The following STXBP5L variants were observed in gnomAD, a reference collection of about 807,000 sequenced individuals.
STXBP5L encodes syntaxin-binding protein 5-like.
A neutral mutation model predicts 144.5 loss-of-function variants in STXBP5L; 65 were observed. The observed-to-expected ratio is 0.45, with a 90% CI of 0.37 to 0.55. The LOEUF (loss-of-function observed/expected upper bound fraction) is 0.55, where lower values mean the gene tolerates loss of function less well. Among genes scored for constraint, STXBP5L ranks in the 20% least tolerant of loss-of-function variants. STXBP5L has a pLI of 0.00. For missense variants in STXBP5L, 1,298 were observed against 1,405.5 expected (o/e 0.92, Z 1.22); for synonymous variants, 505 against 469.6 (o/e 1.08, Z -0.97).
At chr3:120,966,153 A>G (rs1939546022) in intron 3 of STXBP5L, among the ~76,000 whole-genome samples, 4 of 152,020 alleles carry the variant, frequency 2.6e-5, no homozygotes. Context: ...TCTTCTATAC[A>G]CTGTTTATTC....
intron 18 of STXBP5L, among the ~76,000 whole-genome samples, chr3:121,268,118 T>C (rs2050631059): frequency 6.6e-6 from 1 of 152,202 alleles, no homozygotes; most frequent in Admixed American, 6.5e-5. Flanking sequence ...CATGTGTTTA[T>C]TGCAGCACTG....
At chr3:121,029,814 G>A (rs539264084) in intron 3 of STXBP5L, among the ~76,000 whole-genome samples, 34 of 150,936 alleles carry the variant, frequency 2.3e-4, no homozygotes, top group South Asian at 6.3e-4. Context: ...GAATCTACAA[G>A]GAACTTAAAC....
chr3:121,013,410 T>C (rs1235541828), intron 3 of STXBP5L, among the ~76,000 whole-genome samples: 5 of 151,896 alleles, frequency 3.3e-5, no homozygotes, highest in Admixed American at 3.3e-4. Context: ...GATGGTATCA[T>C]ATTGTGGTTT....
chr3:121,051,024 A>G (rs1400717736), intron 5 of STXBP5L, among the ~76,000 whole-genome samples: 1 of 152,250 alleles, frequency 6.6e-6, no homozygotes, highest in Non-Finnish European at 1.5e-5. Flanking sequence ...CAATTCAACA[A>G]GAAGAGCTAA....
intron 10 of STXBP5L, among the ~76,000 whole-genome samples, chr3:121,208,922 C>G (rs1445091336): frequency 6.6e-6 from 1 of 152,062 alleles, no homozygotes; most frequent in Non-Finnish European, 1.5e-5. Flanking sequence ...CTCCCAACCC[C>G]CACAACCCCC....
At chr3:121,192,041 C>G (rs1026384823) in intron 9 of STXBP5L, among the ~76,000 whole-genome samples, 1 of 152,080 alleles carries the variant, frequency 6.6e-6, no homozygotes, top group Non-Finnish European at 1.5e-5. Context: ...CACATGTATA[C>G]ATATGTAACA....
chr3:121,124,988 T>C (rs905002624), intron 7 of STXBP5L, among the ~76,000 whole-genome samples: 2 of 152,186 alleles, frequency 1.3e-5, no homozygotes, highest in Non-Finnish European at 2.9e-5. Flanking sequence ...ATTGAATGCT[T>C]TCTACATGTA....
chr3:120,908,356 T>C (rs961506974), intron 1 of STXBP5L, 22 bp downstream of exon 1: 3 of 154,472 alleles, frequency 1.9e-5, no homozygotes, highest in Non-Finnish European at 4.3e-5. Context: ...CTGGGTCAGA[T>C]AGTCATCCCT....
At chr3:121,090,184 C>A (rs1216011406) in intron 5 of STXBP5L, among the ~76,000 whole-genome samples, 2 of 152,016 alleles carry the variant, frequency 1.3e-5, no homozygotes, top group Non-Finnish European at 2.9e-5. Context: ...TTTATTTAAA[C>A]CCCTTTTTTA....
intron 9 of STXBP5L, among the ~76,000 whole-genome samples, chr3:121,170,897 A>G (rs1559820078): frequency 1.3e-5 from 2 of 152,186 alleles, no homozygotes; most frequent in Non-Finnish European, 2.9e-5. Flanking sequence ...AAAAAAGAAA[A>G]TTTCAGGCCA....
intron 3 of STXBP5L, among the ~76,000 whole-genome samples, chr3:121,006,405 G>T (rs915359770): frequency 1.8e-4 from 28 of 151,928 alleles, no homozygotes; most frequent in Non-Finnish European, 3.1e-4. Flanking sequence ...CATTTGCTTG[G>T]TAGATCTTCC....
At chr3:121,319,903 G>C (rs1218126014) in intron 20 of STXBP5L, among the ~76,000 whole-genome samples, 4 of 152,058 alleles carry the variant, frequency 2.6e-5, no homozygotes, top group African/African-American at 7.2e-5. Context: ...GATCACTTGA[G>C]GCCATGAGTT....
intron 3 of STXBP5L, among the ~76,000 whole-genome samples, chr3:121,002,616 C>T (rs762908867): frequency 3.3e-5 from 5 of 152,082 alleles, no homozygotes; most frequent in Non-Finnish European, 5.9e-5. Flanking sequence ...TTACCAAGAT[C>T]AGTATCAAAG....
chr3:121,040,067 T>G (rs1947042269), intron 3 of STXBP5L, among the ~76,000 whole-genome samples: 2 of 151,898 alleles, frequency 1.3e-5, no homozygotes, highest in African/African-American at 4.8e-5. Flanking sequence ...TTTTACTATC[T>G]CTGTCTATTA....
At chr3:121,354,491 C>T (rs1023365544) in intron 20 of STXBP5L, among the ~76,000 whole-genome samples, 3 of 138,782 alleles carry the variant, frequency 2.2e-5, no homozygotes, top group African/African-American at 7.9e-5. Flanking sequence ...TTGTCAGAGG[C>T]TAGAATTGCA....
intron 19 of STXBP5L, among the ~76,000 whole-genome samples, chr3:121,295,125 G>A (rs775652785): frequency 6.6e-5 from 10 of 151,906 alleles, no homozygotes; most frequent in Non-Finnish European, 1.3e-4. Context: ...AGAGAAAAGA[G>A]CATATTTTTA....
intron 7 of STXBP5L, among the ~76,000 whole-genome samples, chr3:121,124,737 C>T (rs554322094): frequency 6.6e-6 from 1 of 152,074 alleles, no homozygotes; most frequent in East Asian, 1.9e-4. Context: ...TTCTTCCTTT[C>T]CAATATTTAT....
chr3:121,094,109 T>C (rs1403410048), intron 5 of STXBP5L, among the ~76,000 whole-genome samples: 1 of 152,240 alleles, frequency 6.6e-6, no homozygotes, highest in Admixed American at 6.5e-5. Context: ...TCCTGAGTTC[T>C]AGTTTGATTG....
At chr3:121,128,805 C>T (rs1197317175) in intron 7 of STXBP5L, among the ~76,000 whole-genome samples, 2 of 151,900 alleles carry the variant, frequency 1.3e-5, no homozygotes, top group Admixed American at 1.3e-4. Context: ...CAGTCACCAT[C>T]AAAATGGAAA....
Sources: allele counts gnomAD v4.1 joint callset (sites outside exome capture counted in the v4.1 genomes callset), GRCh38; gene constraint gnomAD v4.1.1; transcripts MANE v1.5; gene names NCBI Gene and HGNC (gene_info 2026-07-23, HGNC 2026-07-21).